GPR55: variants seen among roughly 807,000 people sequenced by gnomAD.
GPR55 encodes the protein G-protein coupled receptor 55.
In GPR55, 6 loss-of-function variants were observed where a neutral mutation model predicts 7.9. The observed-to-expected ratio is 0.76, with a 90% confidence interval of 0.41 to 1.49. The LOEUF is 1.49. GPR55 is among the 40% of genes most tolerant of loss of function. The probability of loss-of-function intolerance (pLI) is 0.01; values close to 1 mark genes in which losing one functional copy is unlikely to be tolerated. For missense variants in GPR55, 376 were observed against 406.0 expected (o/e 0.93, Z 0.63); for synonymous variants, 183 against 166.8 (o/e 1.10, Z -0.75).
rs1245186800 is a variant in GPR55 at position 230,944,375 on chromosome 2, G to T, written c.-135+16400C>A. On this transcript the variant is annotated intron_variant, in intron 1 of 1. Coordinates refer to the GPR55 transcript ENST00000392039. The surrounding 1 kb of genome is among the most constrained non-coding windows in gnomAD (Gnocchi z 4.2). The stretch of plus-strand genomic sequence containing the variant: ...GCTGTGCCTGCTTCACCAGTGTAGA[G>T]ACTTGGATCCCCAGGCAAACCCCAG... Among the ~76,000 whole-genome samples the T allele has an allele frequency of 6.6e-6, 1 of 152,112 alleles. No homozygotes were observed. Among genetic ancestry groups the T allele is most frequent in the East Asian group, 1.9e-4 (1 of 5,198 alleles).
rs1431314559 is a variant in GPR55 at position 230,911,021 on chromosome 2, G to A, written c.-59C>T. ...GCTCCTTTCACTCTCTTGAAGTGAT[G>A]GATTCAAATGACTTTGTCAAGAATC... On this transcript the variant is annotated 5_prime_UTR_variant, in exon 2 of 2. Coordinates refer to ENST00000650999, the MANE Select transcript of GPR55 (RefSeq NM_005683.4). The A allele has an allele frequency of 4.0e-6, 6 of 1,506,398 alleles. No homozygotes were observed. In the African/African-American group the frequency reaches 8.4e-5, roughly 21 times the overall value. The allele number at this position is 1,506,398 out of a possible 1,614,324, so 93.3% of individuals were successfully genotyped here.
chr2:230,959,335 C>G (rs1451248824), intron 1 of GPR55, among the ~76,000 whole-genome samples: 1 of 152,110 alleles, frequency 6.6e-6, no homozygotes, highest in East Asian at 1.9e-4. Context: ...ATAGTCCCAG[C>G]TACTCAGGAG....
chr2:230,953,018 G>C (rs1691428437), intron 1 of GPR55, among the ~76,000 whole-genome samples: 1 of 152,226 alleles, frequency 6.6e-6, no homozygotes, highest in African/African-American at 2.4e-5. Flanking sequence ...TGGGGAATTA[G>C]AGTGATACTT....
intron 1 of GPR55, among the ~76,000 whole-genome samples, chr2:230,947,367 C>T (rs1247107130): frequency 1.3e-5 from 2 of 152,212 alleles, no homozygotes; most frequent in African/African-American, 4.8e-5. Flanking sequence ...TGAAAGAGCA[C>T]ATTTGCAATC....
At chr2:230,913,507 A>G (rs1390513818) in intron 1 of GPR55, among the ~76,000 whole-genome samples, 2 of 152,198 alleles carry the variant, frequency 1.3e-5, no homozygotes, top group Non-Finnish European at 2.9e-5. Flanking sequence ...ATGGTTTCCA[A>G]TGTGTTAACT....
intron 1 of GPR55, chr2:230,957,784 G>C (rs1483439787): frequency 1.8e-6 from 1 of 554,812 alleles, no homozygotes; most frequent in African/African-American, 1.9e-5. Flanking sequence ...TGTTGGAGTA[G>C]GAGGATTTAT....
chr2:230,910,777 G>A lies in GPR55; in HGVS notation c.186C>T (p.Tyr62=), dbSNP rs754754820. ...GGTCAAAGACTGCCAGGTTGATCATGTAGATGGAGGTGGCAGCATAATCGG... is the reference window on the plus strand; with the variant it reads ...GGTCAAAGACTGCCAGGTTGATCATATAGATGGAGGTGGCAGCATAATCGG... ...RWPDYAATSI[Y]MINLAVFDLL... The change falls in exon 2 of 2, where the codon TAC becomes TAT. Residue 62 remains tyrosine, a synonymous_variant. Coordinates refer to ENST00000650999, the MANE Select transcript of GPR55 (RefSeq NM_005683.4). The surrounding 1 kb of genome is among the most constrained non-coding windows in gnomAD (Gnocchi z 5.4). The A allele has an allele frequency of 6.2e-7, 1 of 1,613,912 alleles. No homozygotes were observed. Among genetic ancestry groups the A allele is most frequent in the Non-Finnish European group, 8.5e-7 (1 of 1,179,752 alleles).
intron 1 of GPR55, among the ~76,000 whole-genome samples, chr2:230,913,549 G>A (rs1390083205): frequency 6.6e-6 from 1 of 152,114 alleles, no homozygotes; most frequent in Non-Finnish European, 1.5e-5. Context: ...GAGAGATCTA[G>A]GAAAAAATAC....
chr2:230,936,950 C>T (rs1336314552), intron 1 of GPR55, among the ~76,000 whole-genome samples: 4 of 152,202 alleles, frequency 2.6e-5, no homozygotes. Context: ...CTTGATCTAA[C>T]CTGAGCCAGA....
intron 1 of GPR55, among the ~76,000 whole-genome samples, chr2:230,936,728 G>T (rs1691139179): frequency 6.6e-6 from 1 of 152,182 alleles, no homozygotes; most frequent in Non-Finnish European, 1.5e-5. Flanking sequence ...AAAGGTAGTT[G>T]TCTATAAAAC....
intron 1 of GPR55, among the ~76,000 whole-genome samples, chr2:230,955,923 C>T (rs572354393): frequency 6.6e-6 from 1 of 152,224 alleles, no homozygotes; most frequent in South Asian, 2.1e-4. Context: ...GTCAGGGTCT[C>T]ACTATATTGC....
intron 1 of GPR55, among the ~76,000 whole-genome samples, chr2:230,921,231 G>C (rs988462237): frequency 2.0e-5 from 3 of 148,444 alleles, no homozygotes; most frequent in African/African-American, 7.5e-5. Flanking sequence ...ATATAATGTA[G>C]CTGGAGCCCT....
At chr2:230,946,448 T>C (rs763487649) in intron 1 of GPR55, among the ~76,000 whole-genome samples, 6 of 152,234 alleles carry the variant, frequency 3.9e-5, no homozygotes, top group Non-Finnish European at 8.8e-5. Context: ...TCCCAGTGTA[T>C]ACATATATCA....
chr2:230,926,489 C>T (rs568991446), upstream of GPR55, among the ~76,000 whole-genome samples: 81 of 152,094 alleles, frequency 5.3e-4, no homozygotes, highest in African/African-American at 1.9e-3. Flanking sequence ...ACCCTGGGTG[C>T]GGGAGGAGGC....
chr2:230,942,362 G>A (rs1430346287), intron 1 of GPR55, among the ~76,000 whole-genome samples: 1 of 152,180 alleles, frequency 6.6e-6, no homozygotes, highest in East Asian at 1.9e-4. Context: ...GAGCAGCTGA[G>A]AGAGAGAATT....
At chr2:230,920,525 T>C (rs749306908) in intron 1 of GPR55, among the ~76,000 whole-genome samples, 11 of 152,154 alleles carry the variant, frequency 7.2e-5, no homozygotes, top group Non-Finnish European at 1.5e-4. Context: ...GTTTCCTCTG[T>C]TCACAGGTCA....
chr2:230,955,594 A>G (rs1228275278), intron 1 of GPR55, among the ~76,000 whole-genome samples: 1 of 152,282 alleles, frequency 6.6e-6, no homozygotes, highest in Non-Finnish European at 1.5e-5. Context: ...GAAACTTCTT[A>G]GAATTGTAAA....
intron 1 of GPR55, among the ~76,000 whole-genome samples, chr2:230,945,641 C>G (rs1341446370): frequency 6.6e-6 from 1 of 152,216 alleles, no homozygotes; most frequent in Non-Finnish European, 1.5e-5. Context: ...GGCACTATCT[C>G]GGCTCACTGC....
intron 1 of GPR55, among the ~76,000 whole-genome samples, chr2:230,911,893 A>C (rs995702630): frequency 6.6e-6 from 1 of 152,154 alleles, no homozygotes; most frequent in Non-Finnish European, 1.5e-5. Flanking sequence ...AGCCTGGTCA[A>C]TTTGGGGTGA....
Sources: allele counts gnomAD v4.1 joint callset (sites outside exome capture counted in the v4.1 genomes callset), GRCh38; gene constraint gnomAD v4.1.1; non-coding constraint Gnocchi (gnomAD v3.1); transcripts MANE v1.5; gene names NCBI Gene and HGNC (gene_info 2026-07-23, HGNC 2026-07-21).